Variants in NOTCH1 observed in about 807,000 individuals in gnomAD.
The protein encoded by NOTCH1 is notch receptor 1.
A neutral mutation model predicts 254.8 loss-of-function variants in NOTCH1; 37 were observed. The ratio of observed to expected loss-of-function variants is 0.15; its 90% CI spans 0.11 to 0.19. NOTCH1 has a LOEUF of 0.19. Ranked by LOEUF, NOTCH1 falls within the 10% of genes least tolerant of loss-of-function variation. NOTCH1 has a pLI of 1.00. For synonymous variants in NOTCH1, 1,731 were observed against 1,618.1 expected (o/e 1.07, Z -1.68); for missense variants, 2,972 against 3,708.6 (o/e 0.80, Z 5.16).
intron 4 of NOTCH1, 117 bp downstream of exon 4, chr9:136,522,733 C>T (rs1207047753): frequency 2.9e-6 from 3 of 1,041,740 alleles, no homozygotes; most frequent in African/African-American, 3.3e-5. Context: ...TCCCGCCTTC[C>T]CAACTCCCCG....
At position 136,496,140 on chromosome 9, in the gene NOTCH1, G is replaced by A. The variant is rs781317676; in HGVS notation, c.7599C>T (p.Ser2533=). Residue 2533 remains serine (S), a synonymous_variant, in exon 34 of 34, where the codon TCC becomes TCT. Coordinates refer to ENST00000651671, the MANE Select transcript of NOTCH1 (RefSeq NM_017617.5). ...SSPHSNVSDW[S]EGVSSPPTSM... is the part of the protein sequence containing the mutation. The stretch of plus-strand genomic sequence containing the variant: ...TGGTGGGAGGGCTGGAGACGCCCTC[G>A]GACCAGTCGGAGACGTTGGAATGCG... 9.3e-6 allele frequency: 15 copies of A among 1,609,506 alleles called. No individual in the cohort carries two copies. Among genetic ancestry groups the A allele is most frequent in the African/African-American group, 8.0e-5 (6 of 74,914 alleles).
At chr9:136,538,421 C>T (rs1843686271) in intron 2 of NOTCH1, among the ~76,000 whole-genome samples, 1 of 152,188 alleles carries the variant, frequency 6.6e-6, no homozygotes, top group Non-Finnish European at 1.5e-5. Context: ...GATGGGGAAA[C>T]TGAGGCCCAG....
rs201077220 is a variant in NOTCH1, at chr9:136,515,323, C to T, written c.1981G>A (p.Gly661Ser). The T allele has an allele frequency of 5.5e-4, 893 of 1,613,026 alleles. 2 individuals are homozygous for T. The highest frequency in any genetic ancestry group is 6.9e-4 in the Non-Finnish European group (815 of 1,180,008). The change falls in exon 12 of 34, where the codon GGC (glycine) becomes AGC (serine). Residue 661 changes from glycine (G) to serine (S), a missense_variant. Gly to Ser is a moderately conservative substitution (Grantham distance 56). Transcript: ENST00000651671. The part of the protein sequence containing the change: ...DSGTCLDKID[G>S]YECACEPGYT... ...CCCGGCTCACAGGCACACTCGTAGCCATCGATCTTGTCCAGACAGGTGCCC... is the reference window on the plus strand; with the variant it reads ...CCCGGCTCACAGGCACACTCGTAGCTATCGATCTTGTCCAGACAGGTGCCC...
chr9:136,507,810 AT>A, intron 21 of NOTCH1, 144 bp downstream of exon 21: 1 of 883,788 alleles, frequency 1.1e-6, no homozygotes, highest in Non-Finnish European at 1.8e-6. Flanking sequence ...GTCTACCCTG[AT>A]TACCCCAGCC....
In NOTCH1 at chr9:136,497,162, TG is replaced by T; in HGVS notation, c.6576del (p.Asp2192GlufsTer56). ...TCCACGGGCGAGAGCATGCCGGAGC[TG>T]TCCAGCAGGCAGCCCTTGCCGTCCT... The part of the protein sequence containing the change: ...KSQDGKGCLL[D>X]SSGMLSPVDS... On this transcript the variant is annotated frameshift_variant, in exon 34 of 34. Coordinates refer to ENST00000651671, the MANE Select transcript of NOTCH1 (RefSeq NM_017617.5). LOFTEE classifies it high-confidence loss of function. 1 of 1,612,788 alleles carries T rather than the reference TG, an allele frequency of 6.2e-7. No individual in the cohort carries two copies. The highest frequency in any genetic ancestry group is 8.5e-7 in the Non-Finnish European group (1 of 1,179,946).
intron 15 of NOTCH1, among the ~76,000 whole-genome samples, 182 bp from the exon 16 acceptor site, chr9:136,511,453 G>C (rs905145856): frequency 6.6e-6 from 1 of 152,118 alleles, no homozygotes; most frequent in African/African-American, 2.4e-5. Flanking sequence ...GGGAGGAGTG[G>C]AGCACAGATG....
At chr9:136,507,119 C>T (rs1410836609) in intron 22 of NOTCH1, 146 bp from the exon 23 acceptor site, 1 of 1,452,140 alleles carries the variant, frequency 6.9e-7, no homozygotes, top group East Asian at 2.5e-5. Flanking sequence ...GTGGAGACGC[C>T]CTTCCCACTG....
At chr9:136,535,282 G>A (rs929867340) in intron 2 of NOTCH1, among the ~76,000 whole-genome samples, 5 of 152,002 alleles carry the variant, frequency 3.3e-5, no homozygotes, top group African/African-American at 1.2e-4. Flanking sequence ...GGACCCACCC[G>A]AAGCCACCGC....
rs1318807098 is a variant in NOTCH1, at chr9:136,513,675, C to A, written c.2208-138G>T. ...GACTCGCAGAGTCCTTTAGTGGGGG[C>A]AGGCTGGGCGCTGTGGCTCACACCT... On this transcript the variant is annotated intron_variant, in intron 13 of 33. Coordinates refer to ENST00000651671, the MANE Select transcript of NOTCH1 (RefSeq NM_017617.5). The surrounding 1 kb of genome is among the most constrained non-coding windows in gnomAD (Gnocchi z 4.7). 2 of 949,194 alleles carry A rather than the reference C, an allele frequency of 2.1e-6. No homozygotes were observed. The highest frequency in any genetic ancestry group is 5.3e-5 in the East Asian group (2 of 37,932). The allele number at this position is 949,194 out of a possible 1,614,324, so 58.8% of individuals were successfully genotyped here.
rs373064962 is a variant in NOTCH1, at chr9:136,506,950, C to A, written c.3667G>T (p.Asp1223Tyr). ...GGGTCAACGGGGGGATTGCAGTCGTCCACGTTGATCTCACAGTGCACACCT... is the reference window on the plus strand; with the variant it reads ...GGGTCAACGGGGGGATTGCAGTCGTACACGTTGATCTCACAGTGCACACCT... ...TQGVHCEINV[D>Y]DCNPPVDPVS... is the part of the protein sequence containing the mutation. Residue 1223 changes from aspartate to tyrosine, a missense_variant, in exon 23 of 34, where the codon GAC (aspartate) becomes TAC (tyrosine). This residue lies in a region of NOTCH1 where 1,343 missense variants were observed against 1,557.0 expected (regional missense o/e 0.86). Coordinates refer to ENST00000651671, the MANE Select transcript of NOTCH1 (RefSeq NM_017617.5). The surrounding 1 kb of genome is among the most constrained non-coding windows in gnomAD (Gnocchi z 4.5). 1.2e-6 allele frequency: 2 copies of A among 1,609,726 alleles called. No individual in the cohort carries two copies. Among genetic ancestry groups the A allele is most frequent in the Non-Finnish European group, 1.7e-6 (2 of 1,178,792 alleles).
At chr9:136,537,946 A>G (rs1455769160) in intron 2 of NOTCH1, among the ~76,000 whole-genome samples, 1 of 152,196 alleles carries the variant, frequency 6.6e-6, no homozygotes, top group Non-Finnish European at 1.5e-5. Context: ...TACAAAAATT[A>G]GCTGGGAGTG....
rs774029678 is a variant in NOTCH1, at chr9:136,519,576, AG to A, written c.743-12del. 1.8e-5 allele frequency: 29 copies of A among 1,612,506 alleles called. No homozygotes were observed. The highest frequency in any genetic ancestry group is 1.6e-4 in the Middle Eastern group (1 of 6,082). ...TCTGGCCGGTGAAGCCTGCCGCAAG[AG>A]GGGCCGGGTCAGCCTCTTCCCTGAG... On this transcript the variant is annotated splice_polypyrimidine_tract_variant and intron_variant, in intron 4 of 33. Transcript: ENST00000651671.
At position 136,508,831 on chromosome 9, in the gene NOTCH1, G is replaced by C. The variant is rs766698070; in HGVS notation, c.3171+39C>G. On this transcript the variant is annotated intron_variant, in intron 19 of 33. Coordinates refer to ENST00000651671, the MANE Select transcript of NOTCH1 (RefSeq NM_017617.5). ...CTCCCGCAGGTAGGCACCCACCCAG[G>C]GCCCCTCCTTCGGGCACCTCTGTGG... 1.6e-5 allele frequency: 24 copies of C among 1,522,886 alleles called. No individual in the cohort carries two copies. In the South Asian group the frequency reaches 2.8e-4, roughly 18 times the overall value. The allele number at this position is 1,522,886 out of a possible 1,614,324, so 94.3% of individuals were successfully genotyped here.
rs751007903 is a variant in NOTCH1 at position 136,496,760 on chromosome 9, G to A, written c.6979C>T (p.Arg2327Trp). The change falls in exon 34 of 34, where the codon CGG becomes TGG. Residue 2327 changes from arginine to tryptophan, a missense_variant. By Grantham distance (101) the Arg-to-Trp change is moderately radical (BLOSUM62 -3). Coordinates refer to ENST00000651671, the MANE Select transcript of NOTCH1 (RefSeq NM_017617.5). ...GMVPNQYNPL[R>W]GSVAPGPLST... ...AGGGGGCCTGGTGCCACACTCCCCC[G>A]CAGAGGGTTGTATTGGTTCGGCACC... The A allele has an allele frequency of 1.4e-5, 22 of 1,612,828 alleles. No homozygotes were observed. Among genetic ancestry groups the A allele is most frequent in the Middle Eastern group, 1.7e-4 (1 of 6,012 alleles).
intron 26 of NOTCH1, 82 bp from the exon 27 acceptor site, chr9:136,503,412 C>T (rs1843031806): frequency 7.5e-6 from 12 of 1,601,102 alleles, no homozygotes; most frequent in Non-Finnish European, 9.4e-6. Flanking sequence ...CCGCAGGACA[C>T]TGAGGCCCAT....
At chr9:136,510,408 G>A in intron 17 of NOTCH1, 2 of 603,834 alleles carry the variant, frequency 3.3e-6, no homozygotes, top group East Asian at 2.8e-5. Flanking sequence ...TCGGCTCAGT[G>A]AAGAGCCGTG....
At chr9:136,502,700 C>G (rs1043624116) in intron 27 of NOTCH1, 1 of 577,688 alleles carries the variant, frequency 1.7e-6, no homozygotes, top group African/African-American at 1.9e-5. Flanking sequence ...CCGACTCTAT[C>G]TGGAGACGGC....
rs2133368239 is a variant in NOTCH1 at position 136,517,758 on chromosome 9, T to C, written c.1435A>G (p.Met479Val). The C allele has an allele frequency of 1.2e-6, 2 of 1,612,426 alleles. No homozygotes were observed. Among genetic ancestry groups the C allele is most frequent in the East Asian group, 2.2e-5 (1 of 44,882 alleles). The change falls in exon 8 of 34, where the codon ATG (methionine) becomes GTG (valine). Residue 479 changes from methionine (M) to valine (V), a missense_variant. This residue lies in a region of NOTCH1 where 128 missense variants were observed against 193.8 expected (regional missense o/e 0.66). Transcript: ENST00000651671. ...CTGGCCCCGGCCGACGCACCGGGCA[T>C]GCAGATGCACTGGAACTCCCCAATC... is the stretch of plus-strand genomic sequence containing the variant. ...DQIGEFQCIC[M>V]PGYEGVHCEV...
At chr9:136,520,284 T>C (rs990648810) in intron 4 of NOTCH1, among the ~76,000 whole-genome samples, 8 of 151,774 alleles carry the variant, frequency 5.3e-5, no homozygotes, top group African/African-American at 1.9e-4. Context: ...TGAACCCCCG[T>C]TGCCCTTGGA....
Sources: allele counts gnomAD v4.1 joint callset (sites outside exome capture counted in the v4.1 genomes callset), GRCh38; gene constraint gnomAD v4.1.1; regional missense constraint gnomAD v4.1.1; non-coding constraint Gnocchi (gnomAD v3.1); transcripts MANE v1.5; gene names NCBI Gene and HGNC (gene_info 2026-07-23, HGNC 2026-07-21).